Variants in CDH13 observed in about 807,000 individuals in gnomAD.
CDH13 encodes the protein cadherin-13.
In CDH13, 24 loss-of-function variants were observed where a neutral mutation model predicts 63.8. That is an observed-to-expected ratio of 0.38 (90% CI 0.27 to 0.53). The LOEUF (loss-of-function observed/expected upper bound fraction) is 0.53, where lower values mean the gene tolerates loss of function less well. CDH13 is among the 20% of genes least tolerant of loss of function. The probability of loss-of-function intolerance (pLI) is 0.85; values close to 1 mark genes in which losing one functional copy is unlikely to be tolerated. For missense variants in CDH13, 1,049 were observed against 903.1 expected, an observed-to-expected ratio of 1.16 and a Z score of -2.07; for synonymous variants, 503 against 355.3, an observed-to-expected ratio of 1.42 and a Z score of -4.67.
intron 2 of CDH13, among the ~76,000 whole-genome samples, chr16:82,903,729 A>G (rs1028738703): frequency 6.6e-6 from 1 of 152,128 alleles, no homozygotes; most frequent in Non-Finnish European, 1.5e-5. Context: ...CATATATGTT[A>G]TCCCTCATGT....
At chr16:83,384,773 C>T (rs569137829) in intron 6 of CDH13, among the ~76,000 whole-genome samples, 20 of 152,368 alleles carry the variant, frequency 1.3e-4, no homozygotes, top group African/African-American at 4.6e-4. Flanking sequence ...TCTCACTCTT[C>T]AGGCATGCGC....
At chr16:83,024,140 A>T (rs1371022286) in intron 2 of CDH13, among the ~76,000 whole-genome samples, 3 of 152,310 alleles carry the variant, frequency 2.0e-5, no homozygotes, top group African/African-American at 7.2e-5. Flanking sequence ...GTTGGATGGC[A>T]AGGAATGTAG....
At chr16:83,110,321 TACAGGGTAGCTTGTGTTAACCACACA>T (rs1314257681) in intron 3 of CDH13, among the ~76,000 whole-genome samples, 1 of 152,224 alleles carries the variant, frequency 6.6e-6, no homozygotes, top group Non-Finnish European at 1.5e-5. Context: ...AATGAAAAGC[TACAGGGTAGCTTGTGTTAACCACACA>T]ACAGCTGGTT....
intron 6 of CDH13, among the ~76,000 whole-genome samples, chr16:83,368,270 C>T (rs1417964852): frequency 6.6e-6 from 1 of 152,136 alleles, no homozygotes; most frequent in Admixed American, 6.5e-5. Context: ...TATACAAGTA[C>T]ATGTGCACAA....
intron 7 of CDH13, among the ~76,000 whole-genome samples, chr16:83,548,498 A>G (rs2075430349): frequency 6.6e-6 from 1 of 152,158 alleles, no homozygotes; most frequent in Non-Finnish European, 1.5e-5. Flanking sequence ...CAGATGTAGA[A>G]ACATCAGAGA....
intron 11 of CDH13, among the ~76,000 whole-genome samples, 163 bp downstream of exon 11, chr16:83,748,413 A>G (rs574727719): frequency 5.1e-4 from 77 of 152,342 alleles, no homozygotes; most frequent in African/African-American, 1.8e-3. Flanking sequence ...GAGTTCAGTA[A>G]TATCTCCAAG....
At chr16:83,090,586 A>AAAT (rs1347248673) in intron 3 of CDH13, among the ~76,000 whole-genome samples, 3 of 149,862 alleles carry the variant, frequency 2.0e-5, no homozygotes, top group African/African-American at 7.6e-5. Flanking sequence ...AAAAAAAAAA[A>AAAT]AAAATAAGTG....
chr16:83,559,931 A>G (rs1392085737), intron 7 of CDH13, among the ~76,000 whole-genome samples: 2 of 152,134 alleles, frequency 1.3e-5, no homozygotes, highest in Admixed American at 1.3e-4. Flanking sequence ...ATCAGATCAA[A>G]CAGTTGGCCA....
chr16:83,379,234 A>T (rs1180638799), intron 6 of CDH13, among the ~76,000 whole-genome samples: 5 of 152,188 alleles, frequency 3.3e-5, no homozygotes, highest in Non-Finnish European at 5.9e-5. Context: ...TATGGTTTAG[A>T]AGGGCACTGA....
intron 1 of CDH13, among the ~76,000 whole-genome samples, chr16:82,807,195 A>G (rs531900964): frequency 4.6e-5 from 7 of 152,278 alleles, no homozygotes; most frequent in East Asian, 1.9e-4. Flanking sequence ...TAAAAATGCA[A>G]TGCAGCAATT....
intron 7 of CDH13, among the ~76,000 whole-genome samples, chr16:83,512,973 G>A (rs1315871279): frequency 6.6e-6 from 1 of 151,752 alleles, no homozygotes; most frequent in African/African-American, 2.4e-5. Context: ...CCCTGGTCCT[G>A]GGCAGTCAGC....
chr16:82,746,960 A>C (rs1473925315), intron 1 of CDH13, among the ~76,000 whole-genome samples: 1 of 152,188 alleles, frequency 6.6e-6, no homozygotes, highest in Non-Finnish European at 1.5e-5. Flanking sequence ...GACAGTGAAA[A>C]TTGCTGTGCA....
At chr16:83,627,367 A>G (rs1433422022) in intron 8 of CDH13, among the ~76,000 whole-genome samples, 1 of 152,182 alleles carries the variant, frequency 6.6e-6, no homozygotes, top group Non-Finnish European at 1.5e-5. Context: ...AACTAGACAG[A>G]GATGAACATA....
intron 3 of CDH13, among the ~76,000 whole-genome samples, chr16:83,084,217 A>T (rs1442656557): frequency 1.3e-5 from 2 of 152,246 alleles, no homozygotes; most frequent in Non-Finnish European, 2.9e-5. Context: ...TTGCATTATT[A>T]GCTGAGGAAA....
At chr16:83,106,808 T>C (rs2151613137) in intron 3 of CDH13, among the ~76,000 whole-genome samples, 1 of 152,336 alleles carries the variant, frequency 6.6e-6, no homozygotes, top group East Asian at 1.9e-4. Flanking sequence ...TCTGTTTGTC[T>C]GATACAGGAT....
At chr16:82,862,282 C>G (rs1033474854) in intron 2 of CDH13, among the ~76,000 whole-genome samples, 2 of 152,218 alleles carry the variant, frequency 1.3e-5, no homozygotes, top group Admixed American at 6.5e-5. Context: ...GAATAGCTGT[C>G]TTGGGCAACT....
chr16:83,188,316 A>C (rs544463514), intron 4 of CDH13, among the ~76,000 whole-genome samples: 3 of 152,306 alleles, frequency 2.0e-5, no homozygotes, highest in African/African-American at 7.2e-5. Flanking sequence ...ATGGTGGTGG[A>C]AGGGGAGAGG....
At chr16:83,365,946 T>A (rs2091250117) in intron 6 of CDH13, among the ~76,000 whole-genome samples, 1 of 152,188 alleles carries the variant, frequency 6.6e-6, no homozygotes, top group Admixed American at 6.5e-5. Flanking sequence ...AAACTGAGAT[T>A]TTGGCCTTAT....
intron 4 of CDH13, among the ~76,000 whole-genome samples, chr16:83,132,507 G>A (rs1373042241): frequency 7.6e-6 from 1 of 131,370 alleles, no homozygotes; most frequent in African/African-American, 3.0e-5. Flanking sequence ...GAGTGCATTG[G>A]TGCAATCTCT....
Sources: allele counts gnomAD v4.1 joint callset (sites outside exome capture counted in the v4.1 genomes callset), GRCh38; gene constraint gnomAD v4.1.1; transcripts MANE v1.5; gene names NCBI Gene and HGNC (gene_info 2026-07-23, HGNC 2026-07-21).